ZMYM4: variants seen among roughly 807,000 people sequenced by gnomAD.
The protein encoded by ZMYM4 is zinc finger MYM-type containing 4.
ZMYM4 carries 31 observed loss-of-function variants against 183.2 expected under a neutral mutation model. That is an observed-to-expected ratio of 0.17 (90% CI 0.13 to 0.23). The LOEUF (loss-of-function observed/expected upper bound fraction) is 0.23, where lower values mean the gene tolerates loss of function less well. ZMYM4 is among the 10% of genes least tolerant of loss of function. The pLI is 1.00. For missense variants in ZMYM4, 1,273 were observed against 1,840.3 expected, an observed-to-expected ratio of 0.69 and a Z score of 5.64; for synonymous variants, 592 against 631.2, an observed-to-expected ratio of 0.94 and a Z score of 0.93.
At chr1:35,284,230 C>T (rs960113063) in intron 1 of ZMYM4, among the ~76,000 whole-genome samples, 12 of 152,088 alleles carry the variant, frequency 7.9e-5, no homozygotes, top group African/African-American at 2.7e-4. Flanking sequence ...CCTGCCTCGG[C>T]CTCCCAAAGT....
intron 1 of ZMYM4, among the ~76,000 whole-genome samples, chr1:35,282,794 G>T (rs544934343): frequency 6.6e-6 from 1 of 151,998 alleles, no homozygotes; most frequent in African/African-American, 2.4e-5. Flanking sequence ...GAGCTCAAGC[G>T]ATGCACCTGC....
intron 21 of ZMYM4, among the ~76,000 whole-genome samples, 162 bp downstream of exon 21, chr1:35,398,628 C>A (rs1644849969): frequency 6.6e-6 from 1 of 152,102 alleles, no homozygotes; most frequent in African/African-American, 2.4e-5. Flanking sequence ...ATAATAAAAG[C>A]CACTCAAATG....
At chr1:35,322,454 T>C (rs1473175533) in intron 1 of ZMYM4, among the ~76,000 whole-genome samples, 4 of 152,170 alleles carry the variant, frequency 2.6e-5, no homozygotes, top group Admixed American at 6.5e-5. Flanking sequence ...TTATCTGGGA[T>C]TAATGTTGAT....
intron 1 of ZMYM4, among the ~76,000 whole-genome samples, chr1:35,295,379 A>AAGAGGCAGCAT (rs1330695098): frequency 6.6e-6 from 1 of 152,210 alleles, no homozygotes; most frequent in African/African-American, 2.4e-5. Flanking sequence ...GTGAACATCA[A>AAGAGGCAGCAT]AGAGGCAGCA....
intron 1 of ZMYM4, among the ~76,000 whole-genome samples, chr1:35,312,019 T>C (rs1641826548): frequency 6.6e-6 from 1 of 152,192 alleles, no homozygotes; most frequent in Non-Finnish European, 1.5e-5. Context: ...CCCAAAGTGC[T>C]GGCATTACAG....
chr1:35,272,835 A>C (rs1001226992), intron 1 of ZMYM4, among the ~76,000 whole-genome samples: 1 of 152,078 alleles, frequency 6.6e-6, no homozygotes, highest in African/African-American at 2.4e-5. Flanking sequence ...CAGCCTCCCG[A>C]GTAGCTGGGA....
At chr1:35,387,896 G>A (rs1310480226) in intron 13 of ZMYM4, among the ~76,000 whole-genome samples, 1 of 152,144 alleles carries the variant, frequency 6.6e-6, no homozygotes, top group Non-Finnish European at 1.5e-5. Flanking sequence ...ACCTCAAAGA[G>A]CTTCTAGTTC....
At chr1:35,354,402 A>G (rs1179090973) in intron 2 of ZMYM4, among the ~76,000 whole-genome samples, 1 of 152,110 alleles carries the variant, frequency 6.6e-6, no homozygotes, top group Non-Finnish European at 1.5e-5. Flanking sequence ...CTCTCTTGTG[A>G]GATTATATCT....
intron 1 of ZMYM4, among the ~76,000 whole-genome samples, chr1:35,295,755 G>A (rs1186167506): frequency 2.0e-5 from 3 of 152,200 alleles, no homozygotes; most frequent in African/African-American, 7.2e-5. Context: ...TTCCTCAAGA[G>A]GACCCAGTCT....
intron 15 of ZMYM4, among the ~76,000 whole-genome samples, chr1:35,390,827 A>G (rs1320562717): frequency 6.6e-6 from 1 of 152,206 alleles, no homozygotes; most frequent in Non-Finnish European, 1.5e-5. Flanking sequence ...CTTTGAGACT[A>G]CTTATAACAA....
intron 2 of ZMYM4, chr1:35,351,125 TG>T: frequency 1.0e-6 from 1 of 973,148 alleles, no homozygotes; most frequent in Admixed American, 1.7e-5. Context: ...AAGGCAATCT[TG>T]GTCAGCCACG....
In ZMYM4 at chr1:35,268,923, CCCGG is replaced by C; in HGVS notation, c.-119_-116del. 1 of 1,159,960 alleles carries C rather than the reference CCCGG, an allele frequency of 8.6e-7. No individual in the cohort carries two copies. The highest frequency in any genetic ancestry group is 1.6e-5 in the African/African-American group (1 of 61,650). The allele number at this position is 1,159,960 out of a possible 1,614,324, so 71.9% of individuals were successfully genotyped here. ...CCCCCTCCCCACTCTCGGCGCAAGG[CCCGG>C]CCGGGTCCGGGGAAGCTGCCGCGAG... On this transcript the variant is annotated 5_prime_UTR_variant, in exon 1 of 30. Coordinates refer to ENST00000314607, the MANE Select transcript of ZMYM4 (RefSeq NM_005095.3).
intron 5 of ZMYM4, among the ~76,000 whole-genome samples, chr1:35,369,568 T>C (rs1290481386): frequency 2.0e-5 from 3 of 151,974 alleles, no homozygotes; most frequent in African/African-American, 2.4e-5. Context: ...TTACAACTTA[T>C]TAAGAAATAA....
rs773745264 is a variant in ZMYM4, at chr1:35,405,407, C to T, written c.3735C>T (p.Asp1245=). ...VEQASSSPRS[D]PLGSTQDHAL... is the part of the protein sequence containing the mutation. ...AGGCCTCATCTAGCCCACGTTCTGA[C>T]CCCTTAGGAAGTACTCAAGACCATG... The change falls in exon 25 of 30, where the codon GAC becomes GAT. Residue 1245 remains aspartate (D), a synonymous_variant. Coordinates refer to ENST00000314607, the MANE Select transcript of ZMYM4 (RefSeq NM_005095.3). 3 of 1,613,522 alleles carry T rather than the reference C, an allele frequency of 1.9e-6. No homozygotes were observed. The highest frequency in any genetic ancestry group is 2.7e-5 in the African/African-American group (2 of 74,864).
In ZMYM4 at chr1:35,328,360, C is replaced by T. The variant is rs1381695185; in HGVS notation, c.85+2955C>T. On this transcript the variant is annotated intron_variant, in intron 2 of 29. Transcript: ENST00000314607. Reference sequence around the variant, plus strand: ...GCAGTGGCATGATCATAGCTCACTACAACCTTGAACTCCTGGGGTCAAGTG... The same window carrying T: ...GCAGTGGCATGATCATAGCTCACTATAACCTTGAACTCCTGGGGTCAAGTG... Among the ~76,000 whole-genome samples, 6 of 151,994 alleles carry T rather than the reference C, an allele frequency of 3.9e-5. No individual in the cohort carries two copies. In the East Asian group the frequency reaches 1.2e-3, roughly 29 times the overall value.
At chr1:35,359,905 A>AT (rs1199819660) in intron 3 of ZMYM4, among the ~76,000 whole-genome samples, 1 of 139,432 alleles carries the variant, frequency 7.2e-6, no homozygotes, top group African/African-American at 2.9e-5. Context: ...TTTTTTTTTA[A>AT]TAAAAAAAAC....
chr1:35,414,120 C>A (rs1011922564), intron 27 of ZMYM4, 37 bp downstream of exon 27: 2 of 1,242,838 alleles, frequency 1.6e-6, no homozygotes. Flanking sequence ...TCATGATATG[C>A]TTTCTTAAAT....
chr1:35,354,055 G>C (rs1643725064), intron 2 of ZMYM4, among the ~76,000 whole-genome samples: 1 of 152,020 alleles, frequency 6.6e-6, no homozygotes, highest in Non-Finnish European at 1.5e-5. Context: ...AGGCTGAGAT[G>C]GGAGGATCAC....
At chr1:35,325,458 T>G in intron 2 of ZMYM4, 53 bp downstream of exon 2, 2 of 1,551,772 alleles carry the variant, frequency 1.3e-6, no homozygotes, top group Non-Finnish European at 1.8e-6. Context: ...AAATGAATGT[T>G]AATCTAGATG....
Sources: allele counts gnomAD v4.1 joint callset (sites outside exome capture counted in the v4.1 genomes callset), GRCh38; gene constraint gnomAD v4.1.1; transcripts MANE v1.5; gene names NCBI Gene and HGNC (gene_info 2026-07-23, HGNC 2026-07-21).